SUCLG2: variants seen among roughly 807,000 people sequenced by gnomAD.
SUCLG2 encodes succinate-CoA ligase GDP-forming subunit beta.
A neutral mutation model predicts 47.9 loss-of-function variants in SUCLG2; 42 were observed. The observed-to-expected ratio is 0.88, with a 90% CI of 0.69 to 1.14. The LOEUF (loss-of-function observed/expected upper bound fraction) is 1.14, where lower values mean the gene tolerates loss of function less well. SUCLG2 is among the 50% of genes most tolerant of loss of function. The pLI is 0.00. For missense variants in SUCLG2, 571 were observed against 525.9 expected, an observed-to-expected ratio of 1.09 and a Z score of -0.84; for synonymous variants, 195 against 197.3, an observed-to-expected ratio of 0.99 and a Z score of 0.10.
At chr3:67,441,111 C>T (rs1366296986) in intron 9 of SUCLG2, among the ~76,000 whole-genome samples, 1 of 151,964 alleles carries the variant, frequency 6.6e-6, no homozygotes, top group Admixed American at 6.6e-5. Context: ...TCATTCTCAG[C>T]AAACTAACAC....
chr3:67,549,528 C>T (rs781182933), intron 2 of SUCLG2, among the ~76,000 whole-genome samples: 8 of 152,144 alleles, frequency 5.3e-5, no homozygotes, highest in Non-Finnish European at 8.8e-5. Context: ...ATATAAAGCC[C>T]ACATCAACAG....
intron 1 of SUCLG2, among the ~76,000 whole-genome samples, chr3:67,627,626 G>T (rs952160680): frequency 3.3e-5 from 5 of 152,188 alleles, no homozygotes; most frequent in African/African-American, 1.2e-4. Context: ...TCCTATTAGG[G>T]TCTGCCCATA....
intron 1 of SUCLG2, among the ~76,000 whole-genome samples, chr3:67,618,399 C>G (rs1308253873): frequency 6.6e-6 from 1 of 152,076 alleles, no homozygotes; most frequent in Admixed American, 6.5e-5. Flanking sequence ...AGCCTGGCAA[C>G]AGAACAAAAC....
At chr3:67,450,441 C>T (rs1259870994) in intron 9 of SUCLG2, among the ~76,000 whole-genome samples, 1 of 152,156 alleles carries the variant, frequency 6.6e-6, no homozygotes, top group African/African-American at 2.4e-5. Context: ...AAGAGACTTT[C>T]TTGAGATTTT....
chr3:67,617,579 G>C (rs1700653198), intron 1 of SUCLG2, among the ~76,000 whole-genome samples: 1 of 151,984 alleles, frequency 6.6e-6, no homozygotes, highest in Non-Finnish European at 1.5e-5. Context: ...TCTCCACTTG[G>C]GTTCTCCCTG....
chr3:67,455,691 A>G (rs1271757879), intron 9 of SUCLG2, among the ~76,000 whole-genome samples: 5 of 152,168 alleles, frequency 3.3e-5, no homozygotes, highest in African/African-American at 1.2e-4. Flanking sequence ...TGGAGGAAAA[A>G]AAAAACACTG....
At chr3:67,644,847 A>G (rs1029143485) in intron 1 of SUCLG2, among the ~76,000 whole-genome samples, 7 of 152,098 alleles carry the variant, frequency 4.6e-5, no homozygotes, top group African/African-American at 1.7e-4. Flanking sequence ...CTCCCTCAAC[A>G]CCCTAAAAGT....
chr3:67,400,772 C>A lies in SUCLG2; in HGVS notation c.1142G>T (p.Arg381Leu). The A allele has an allele frequency of 6.2e-7, 1 of 1,611,904 alleles. No homozygotes were observed. ...IIANGITKAC[R>L]ELELKVPLVV... The stretch of plus-strand genomic sequence containing the variant: ...CAGGGGCACCTTGAGTTCTAGCTCC[C>A]GGCAGGCTTTGGTGATCCCATTGGC... The change falls in exon 10 of 11, where the codon CGG becomes CTG. Residue 381 changes from arginine to leucine, a missense_variant. Physicochemically the swap from Arg to Leu is moderately radical, Grantham distance 102. Transcript: ENST00000307227.
Position 67,626,546 on chromosome 3 carries a change from C to G in SUCLG2, c.85-16950G>C, listed in dbSNP as rs547209496. Among the ~76,000 whole-genome samples the G allele has an allele frequency of 7.2e-5, 11 of 152,170 alleles. No homozygotes were observed. The South Asian group carries it at 2.3e-3, about 32-fold the overall frequency. On this transcript the variant is annotated intron_variant, in intron 1 of 10. Transcript: ENST00000307227. Reference sequence around the variant, plus strand: ...ATGATGAAACAACACAGACCAACATCATGAAAGAGAAACAAATAGAAGAAC... The same window carrying G: ...ATGATGAAACAACACAGACCAACATGATGAAAGAGAAACAAATAGAAGAAC...
At chr3:67,638,905 T>C (rs1470352410) in intron 1 of SUCLG2, among the ~76,000 whole-genome samples, 1 of 152,200 alleles carries the variant, frequency 6.6e-6, no homozygotes, top group African/African-American at 2.4e-5. Flanking sequence ...CCAGCAGTGA[T>C]AACCTAGAGG....
intron 1 of SUCLG2, among the ~76,000 whole-genome samples, chr3:67,627,595 T>C (rs757406467): frequency 2.6e-5 from 4 of 152,240 alleles, no homozygotes; most frequent in Admixed American, 2.0e-4. Context: ...TGCAAATTAC[T>C]TTCTCTTTCG....
intron 10 of SUCLG2, among the ~76,000 whole-genome samples, chr3:67,362,543 G>A (rs181035677): frequency 6.4e-4 from 98 of 152,158 alleles, no homozygotes; most frequent in African/African-American, 2.3e-3. Flanking sequence ...TAGTTAAGCT[G>A]GTCTCCTCCA....
chr3:67,422,472 T>TAAAAAAAA (rs1559520249), intron 9 of SUCLG2, among the ~76,000 whole-genome samples: 1 of 12,324 alleles, frequency 8.1e-5, no homozygotes, highest in African/African-American at 3.7e-4. Flanking sequence ...AGACTCCATC[T>TAAAAAAAA]CAAAAAAAAA....
At chr3:67,384,239 T>C (rs1208776413) in intron 10 of SUCLG2, among the ~76,000 whole-genome samples, 1 of 152,204 alleles carries the variant, frequency 6.6e-6, no homozygotes, top group Admixed American at 6.5e-5. Flanking sequence ...TACTTGACTC[T>C]CACGAGACAT....
Position 67,383,062 on chromosome 3 carries a change from G to A in SUCLG2, c.1184-7203C>T, listed in dbSNP as rs1288978270. Among the ~76,000 whole-genome samples, 8 of 152,092 alleles carry A rather than the reference G, an allele frequency of 5.3e-5. 1 individual carries two copies. Among genetic ancestry groups the A allele is most frequent in the Non-Finnish European group, 8.8e-5 (6 of 68,042 alleles). On this transcript the variant is annotated intron_variant, in intron 10 of 10. Transcript: ENST00000307227. ...CAGAATAATTCATTGAGAATCAGAG[G>A]CAAAACTTCTGCTATGTCAGCAGCT...
chr3:67,397,745 C>G (rs1702579930), intron 10 of SUCLG2, among the ~76,000 whole-genome samples: 1 of 152,164 alleles, frequency 6.6e-6, no homozygotes, highest in Non-Finnish European at 1.5e-5. Flanking sequence ...AAGCTGGAGG[C>G]ATCACGCTAC....
rs561431712 is a variant in SUCLG2, at chr3:67,448,710, A to T, written c.1062+47088T>A. On this transcript the variant is annotated intron_variant, in intron 9 of 10. Coordinates refer to ENST00000307227, the MANE Select transcript of SUCLG2 (RefSeq NM_003848.4). ...TTGCTTTAGCAGTTTTACTTCTAAC[A>T]ATTTATCAGAAATATGAAAGTTCAT... Among the ~76,000 whole-genome samples, 32 of 152,328 alleles carry T rather than the reference A, an allele frequency of 2.1e-4. 1 individual carries two copies. In the South Asian group the frequency reaches 6.6e-3, roughly 32 times the overall value.
chr3:67,461,241 G>T (rs1025706681), intron 9 of SUCLG2, among the ~76,000 whole-genome samples: 3 of 152,070 alleles, frequency 2.0e-5, no homozygotes, highest in Non-Finnish European at 4.4e-5. Context: ...TGAGTTTAAC[G>T]CTCCAAACGA....
chr3:67,589,449 T>A (rs1318776544), intron 2 of SUCLG2, among the ~76,000 whole-genome samples: 1 of 152,214 alleles, frequency 6.6e-6, no homozygotes, highest in African/African-American at 2.4e-5. Flanking sequence ...AACTGACTAA[T>A]AATGTGATTG....
Sources: gnomAD v4.1 joint callset for allele counts (sites outside exome capture counted in the v4.1 genomes callset) on GRCh38, gnomAD v4.1.1 for gene constraint, MANE v1.5 for transcripts, NCBI Gene and HGNC (gene_info 2026-07-23, HGNC 2026-07-21) for gene names.